PRCP: variants seen among roughly 807,000 people sequenced by gnomAD.
PRCP encodes the protein lysosomal Pro-X carboxypeptidase.
In PRCP, 46 loss-of-function variants were observed where a neutral mutation model predicts 54.2. The observed-to-expected ratio is 0.85, with a 90% CI of 0.67 to 1.09. PRCP has a LOEUF of 1.09. Ranked by LOEUF, PRCP falls within the 50% of genes least tolerant of loss-of-function variation. The pLI, the probability that PRCP is intolerant of heterozygous loss-of-function variation, is 0.00. For synonymous variants in PRCP, 240 were observed against 212.2 expected (o/e 1.13, Z -1.14); for missense variants, 613 against 596.8 (o/e 1.03, Z -0.28).
intron 2 of PRCP, among the ~76,000 whole-genome samples, chr11:82,854,931 G>A (rs192243060): frequency 5.3e-5 from 8 of 152,230 alleles, no homozygotes; most frequent in Admixed American, 2.6e-4. Context: ...AAAGGACTCC[G>A]TATTCAATAA....
intron 8 of PRCP, chr11:82,826,436 T>C (rs1053034553): frequency 2.0e-5 from 3 of 152,350 alleles, no homozygotes; most frequent in Admixed American, 6.5e-5. Flanking sequence ...AACATTCACA[T>C]ACAAGTTTTT....
At chr11:82,838,041 A>C (rs762842766) in intron 8 of PRCP, among the ~76,000 whole-genome samples, 4 of 152,238 alleles carry the variant, frequency 2.6e-5, no homozygotes, top group Non-Finnish European at 4.4e-5. Context: ...GCACTTCAAA[A>C]GTGATGAATA....
Position 82,853,187 on chromosome 11 carries a change from T to C in PRCP, c.401A>G (p.Asn134Ser), listed in dbSNP as rs1257495003. ...AAAAAGTATCTTTACCTTGAATGAGTTGTCACCAAAGGGGAGAGACTCTCC... is the reference window on the plus strand; with the variant it reads ...AAAAAGTATCTTTACCTTGAATGAGCTGTCACCAAAGGGGAGAGACTCTCC... ...YYGESLPFGD[N>S]SFKDSRHLNF... Residue 134 changes from asparagine to serine, a missense_variant, in exon 3 of 9, where the codon AAC (asparagine) becomes AGC (serine). Asn to Ser is a conservative substitution (Grantham distance 46). Coordinates refer to ENST00000313010, the MANE Select transcript of PRCP (RefSeq NM_005040.4). 5 of 1,598,466 alleles carry C rather than the reference T, an allele frequency of 3.1e-6. No individual in the cohort carries two copies. Among genetic ancestry groups the C allele is most frequent in the Non-Finnish European group, 4.3e-6 (5 of 1,170,862 alleles).
chr11:82,877,724 T>A (rs1234608995), intron 1 of PRCP, among the ~76,000 whole-genome samples: 3 of 152,206 alleles, frequency 2.0e-5, no homozygotes, highest in Non-Finnish European at 4.4e-5. Context: ...AGGCAAAAGT[T>A]TGCTGCAGGG....
chr11:82,827,277 T>G (rs1347587628), intron 8 of PRCP: 3 of 152,204 alleles, frequency 2.0e-5, no homozygotes, highest in Non-Finnish European at 1.5e-5. Context: ...TGAAGTCGAT[T>G]TATCTATTTT....
chr11:82,878,803 T>G (rs912313179), intron 1 of PRCP, among the ~76,000 whole-genome samples: 1 of 152,108 alleles, frequency 6.6e-6, no homozygotes, highest in Non-Finnish European at 1.5e-5. Context: ...ACTTATGAAG[T>G]TTAGTTTGGC....
chr11:82,869,442 G>T (rs1447046746), intron 1 of PRCP, among the ~76,000 whole-genome samples: 1 of 151,640 alleles, frequency 6.6e-6, no homozygotes, highest in Non-Finnish European at 1.5e-5. Context: ...TAGAGAGACA[G>T]AAGAAAGAGA....
intron 1 of PRCP, among the ~76,000 whole-genome samples, chr11:82,892,427 AAT>A (rs1422701763): frequency 3.3e-5 from 5 of 152,188 alleles, no homozygotes; most frequent in African/African-American, 1.2e-4. Flanking sequence ...GAAAGAAAAA[AAT>A]ATTTTTATAA....
chr11:82,900,288 T>C lies in PRCP; in HGVS notation c.115A>G (p.Thr39Ala). Reference protein sequence around the residue: ...LGSLHLPTNPTSLPAVAKNYS... With the variant: ...LGSLHLPTNPASLPAVAKNYS... The stretch of plus-strand genomic sequence containing the variant: ...TTCTTGGCTACAGCCGGGAGGGATG[T>C]GGGGTTGGTTGGCAAGTGTAGGCTG... The change falls in exon 1 of 9, where the codon ACA becomes GCA. Residue 39 changes from threonine (T) to alanine (A), a missense_variant. Physicochemically the swap from Thr to Ala is moderately conservative, Grantham distance 58. Coordinates refer to ENST00000313010, the MANE Select transcript of PRCP (RefSeq NM_005040.4). 1 of 1,614,198 alleles carries C rather than the reference T, an allele frequency of 6.2e-7. No homozygotes were observed.
At chr11:82,887,248 T>A (rs1859881906) in intron 1 of PRCP, among the ~76,000 whole-genome samples, 1 of 152,208 alleles carries the variant, frequency 6.6e-6, no homozygotes, top group African/African-American at 2.4e-5. Context: ...ATCTCATACT[T>A]CCTTAAAGCA....
chr11:82,831,115 C>G (rs541765515), intron 8 of PRCP: 1 of 151,546 alleles, frequency 6.6e-6, no homozygotes, highest in Non-Finnish European at 1.5e-5. Flanking sequence ...TAAAATTCCC[C>G]CAACAGGGAG....
At chr11:82,872,915 T>C (rs7926170) in intron 1 of PRCP, among the ~76,000 whole-genome samples, 83,013 of 151,288 alleles carry the variant, frequency 0.55, 23,465 homozygotes, top group African/African-American at 0.69. Flanking sequence ...CCAGAAAGAG[T>C]TTAATGTAGA....
At chr11:82,865,812 G>T (rs368084575) in intron 1 of PRCP, among the ~76,000 whole-genome samples, 1 of 152,148 alleles carries the variant, frequency 6.6e-6, no homozygotes, top group African/African-American at 2.4e-5. Flanking sequence ...CTTAAATGGA[G>T]ACTGACAGCT....
chr11:82,867,586 A>G (rs570062073), intron 1 of PRCP, among the ~76,000 whole-genome samples: 4 of 152,342 alleles, frequency 2.6e-5, no homozygotes, highest in Admixed American at 1.3e-4. Flanking sequence ...TAGAAGAATT[A>G]CCGGGCCACA....
At chr11:82,864,017 G>C (rs1348589490) in intron 1 of PRCP, among the ~76,000 whole-genome samples, 1 of 152,164 alleles carries the variant, frequency 6.6e-6, no homozygotes, top group Non-Finnish European at 1.5e-5. Flanking sequence ...CAATTCAAAG[G>C]ATTTCTGTGA....
intron 6 of PRCP, among the ~76,000 whole-genome samples, chr11:82,842,607 T>C (rs1184450436): frequency 6.6e-6 from 1 of 152,226 alleles, no homozygotes; most frequent in African/African-American, 2.4e-5. Flanking sequence ...ATCTTTCTTA[T>C]ATTCTTAATT....
chr11:82,868,642 A>G (rs1859398769), intron 1 of PRCP, among the ~76,000 whole-genome samples: 1 of 152,214 alleles, frequency 6.6e-6, no homozygotes. Flanking sequence ...AGGAAGAAAA[A>G]CATGTGCAAG....
At chr11:82,900,437 G>A, upstream of PRCP, 2 of 1,604,330 alleles carry the variant, frequency 1.2e-6, no homozygotes, top group Admixed American at 1.7e-5. Flanking sequence ...GGGTGGGAGG[G>A]CGAAAAGGAG....
At chr11:82,883,921 G>A (rs949755399) in intron 1 of PRCP, among the ~76,000 whole-genome samples, 26 of 152,138 alleles carry the variant, frequency 1.7e-4, no homozygotes, top group African/African-American at 5.8e-4. Flanking sequence ...AGAGCCAATT[G>A]TTCAAGAGGA....
Sources: gnomAD v4.1 joint callset for allele counts (sites outside exome capture counted in the v4.1 genomes callset) on GRCh38, gnomAD v4.1.1 for gene constraint, MANE v1.5 for transcripts, NCBI Gene and HGNC (gene_info 2026-07-23, HGNC 2026-07-21) for gene names.